LYRM4: variants seen among roughly 807,000 people sequenced by gnomAD.
LYRM4 encodes LYR motif containing 4.
In LYRM4, 9 loss-of-function variants were observed where a neutral mutation model predicts 11.7. The ratio of observed to expected loss-of-function variants is 0.77; its 90% CI spans 0.46 to 1.34. LYRM4 has a LOEUF of 1.34. Ranked by LOEUF, LYRM4 falls within the 40% of genes most tolerant of loss-of-function variation. LYRM4 has a pLI of 0.00. For missense variants in LYRM4, 133 were observed against 112.5 expected (o/e 1.18, Z -0.82); for synonymous variants, 42 against 40.4 (o/e 1.04, Z -0.15).
At chr6:5,055,013 A>T in the LYRM4 span, among the ~76,000 whole-genome samples, 1 of 152,156 alleles carries the variant, frequency 6.6e-6, no homozygotes, top group African/African-American at 2.4e-5. The surrounding 1 kb of genome is among the most constrained non-coding windows in gnomAD (Gnocchi z 4.5). Context: ...TTAGGGTCAG[A>T]CAAGAGACAT....
the LYRM4 span, among the ~76,000 whole-genome samples, chr6:5,091,617 C>A: frequency 1.3e-5 from 2 of 152,186 alleles, no homozygotes; most frequent in Non-Finnish European, 2.9e-5. Flanking sequence ...AGAACAGAGG[C>A]ACATGTCAGC....
At chr6:5,055,913 TTTTGGTC>T in the LYRM4 span, among the ~76,000 whole-genome samples, 1 of 152,128 alleles carries the variant, frequency 6.6e-6, no homozygotes, top group Non-Finnish European at 1.5e-5. This position sits in a 1 kb window ranked among gnomAD's most constrained non-coding sequence, Gnocchi z 4.5. Flanking sequence ...TTATTCAAGT[TTTTGGTC>T]TTTGGATCTC....
At chr6:5,153,051 T>C (rs1758184002) in intron 2 of LYRM4, among the ~76,000 whole-genome samples, 1 of 152,220 alleles carries the variant, frequency 6.6e-6, no homozygotes. Context: ...ACTGTCACAA[T>C]ACACTAGGCT....
intron 2 of LYRM4, among the ~76,000 whole-genome samples, chr6:5,179,922 T>G (rs1250609748): frequency 6.6e-6 from 1 of 152,246 alleles, no homozygotes; most frequent in Non-Finnish European, 1.5e-5. Flanking sequence ...CAATAATTTC[T>G]TACTGTGCCT....
rs34561251 is a variant in LYRM4 at position 5,163,620 on chromosome 6, A to ATTTT, written c.207+52994_207+52997dup. ...ATTTGCTAGTCCCAGGACTGCATTA[A>ATTTT]TTTTTTTTTTTTTTTTTTGAGATAG... On this transcript the variant is annotated intron_variant, in intron 2 of 2. Coordinates refer to ENST00000330636, the MANE Select transcript of LYRM4 (RefSeq NM_020408.6). 2.2e-5 allele frequency among the ~76,000 whole-genome samples: 3 copies of ATTTT among 136,758 alleles called. No homozygotes were observed. In the East Asian group the frequency reaches 6.4e-4, roughly 29 times the overall value. 89.7% of individuals were successfully genotyped at this position (136,758 alleles called of 152,430 possible). A position where few individuals can be genotyped will look rare whatever the true frequency, so the allele number is the denominator to read the frequency against.
In LYRM4 at chr6:5,215,039, AT is replaced by A. The variant is rs11442956; in HGVS notation, c.207+1578del. On this transcript the variant is annotated intron_variant, in intron 2 of 2. Transcript: ENST00000330636. The stretch of plus-strand genomic sequence containing the variant: ...GATGTCAGATGAGGGCCAGTTTAGT[AT>A]TTTTTTTTTTTTGCAAGGGTAGTTT... Among the ~76,000 whole-genome samples, 312 of 145,326 alleles carry A rather than the reference AT, an allele frequency of 2.1e-3. 1 individual carries two copies. The highest frequency in any genetic ancestry group is 3.3e-3 in the African/African-American group (132 of 39,618).
At chr6:5,086,232 C>T in the LYRM4 span, 2 of 1,535,500 alleles carry the variant, frequency 1.3e-6, no homozygotes, top group Non-Finnish European at 8.7e-7. Flanking sequence ...GGGCCGTGAC[C>T]GTGCGCTACA....
the LYRM4 span, chr6:5,066,262 G>A: frequency 1.4e-6 from 1 of 720,404 alleles, no homozygotes; most frequent in Admixed American, 1.8e-5. Flanking sequence ...TGGATTTCGG[G>A]GATCTGCCGT....
At chr6:5,227,818 A>C (rs187668316) in intron 1 of LYRM4, among the ~76,000 whole-genome samples, 1 of 152,200 alleles carries the variant, frequency 6.6e-6, no homozygotes, top group East Asian at 1.9e-4. Context: ...AAAGAATGAG[A>C]TCATGTCCTT....
chr6:5,184,529 A>G (rs918081103), intron 2 of LYRM4, among the ~76,000 whole-genome samples: 7 of 152,230 alleles, frequency 4.6e-5, no homozygotes, highest in African/African-American at 1.7e-4. Flanking sequence ...CTTATATTTT[A>G]AAAAGGGCAA....
At chr6:5,178,072 G>C (rs1054299621) in intron 2 of LYRM4, among the ~76,000 whole-genome samples, 3 of 152,128 alleles carry the variant, frequency 2.0e-5, no homozygotes, top group African/African-American at 7.2e-5. Context: ...CAGCTTAAGA[G>C]CAGTGACTAA....
chr6:5,054,765 T>TTAAGACTGAAAAA, the LYRM4 span, among the ~76,000 whole-genome samples: 1 of 152,144 alleles, frequency 6.6e-6, no homozygotes, highest in Non-Finnish European at 1.5e-5. Context: ...CTCAGAGACC[T>TTAAGACTGAAAAA]TAAGACTGAA....
At chr6:5,057,777 T>A in the LYRM4 span, among the ~76,000 whole-genome samples, 2 of 151,674 alleles carry the variant, frequency 1.3e-5, no homozygotes, top group African/African-American at 4.8e-5. Context: ...TTTTTTTTCT[T>A]AAAGAGACAG....
chr6:5,120,762 A>C (rs1763416048), intron 2 of LYRM4, among the ~76,000 whole-genome samples: 1 of 152,138 alleles, frequency 6.6e-6, no homozygotes. Flanking sequence ...ATTTTTACAG[A>C]GCACTGATTG....
chr6:5,092,092 C>T, the LYRM4 span, among the ~76,000 whole-genome samples: 1 of 152,180 alleles, frequency 6.6e-6, no homozygotes, highest in South Asian at 2.1e-4. Flanking sequence ...AAGCTTGAAA[C>T]ATTTCATCTT....
At chr6:5,247,452 C>A (rs1414341671) in intron 1 of LYRM4, among the ~76,000 whole-genome samples, 1 of 152,046 alleles carries the variant, frequency 6.6e-6, no homozygotes, top group Non-Finnish European at 1.5e-5. Flanking sequence ...TTTAGTCAAG[C>A]GTAAAGGAGA....
chr6:5,187,602 C>T lies in LYRM4; in HGVS notation c.207+29016G>A, dbSNP rs1055844992. ...GGGAACATCACACCCCGGGGCCTGT[C>T]GGGGGGTTGGGGGCTGGGGGAGGGA... On this transcript the variant is annotated intron_variant, in intron 2 of 2. Transcript: ENST00000330636. Among the ~76,000 whole-genome samples the T allele has an allele frequency of 5.7e-5, 8 of 141,168 alleles. No homozygotes were observed. The East Asian group carries it at 1.5e-3, about 26-fold the overall frequency. 92.6% of individuals were successfully genotyped at this position (141,168 alleles called of 152,430 possible).
intron 1 of LYRM4, among the ~76,000 whole-genome samples, chr6:5,229,661 C>G (rs1763115624): frequency 6.6e-6 from 1 of 152,056 alleles, no homozygotes; most frequent in African/African-American, 2.4e-5. Flanking sequence ...GGTAAATCAA[C>G]TGAAAGATAT....
the LYRM4 span, among the ~76,000 whole-genome samples, chr6:5,073,271 G>A: frequency 6.6e-6 from 1 of 152,122 alleles, no homozygotes; most frequent in African/African-American, 2.4e-5. Flanking sequence ...TCGGGAGGCT[G>A]TGGCACAAGA....
Sources: allele counts gnomAD v4.1 joint callset (sites outside exome capture counted in the v4.1 genomes callset), GRCh38; gene constraint gnomAD v4.1.1; non-coding constraint Gnocchi (gnomAD v3.1); transcripts MANE v1.5; gene names NCBI Gene and HGNC (gene_info 2026-07-23, HGNC 2026-07-21).